Variants in BCOR observed in about 807,000 individuals in gnomAD.
BCOR encodes BCL-6 corepressor.
A neutral mutation model predicts 86.7 loss-of-function variants in BCOR; 10 were observed. The observed-to-expected ratio is 0.12, with a 90% CI of 0.07 to 0.20. The LOEUF is 0.20. Ranked by LOEUF, BCOR falls within the 10% of genes least tolerant of loss-of-function variation. The pLI is 1.00. For missense variants in BCOR, 1,259 were observed against 1,452.1 expected, an observed-to-expected ratio of 0.87 and a Z score of 2.16; for synonymous variants, 611 against 609.0, an observed-to-expected ratio of 1.00 and a Z score of -0.05.
At chrX:40,161,180 G>GT (rs1324945724) in intron 1 of BCOR, among the ~76,000 whole-genome samples, 1,058 of 103,549 alleles carry the variant, frequency 0.01, 10 homozygotes, top group African/African-American at 0.036. Context: ...GCTAATTTTT[G>GT]TTTTTTTGTT....
intron 1 of BCOR, among the ~76,000 whole-genome samples, chrX:40,103,044 C>G (rs1376314786): frequency 1.8e-5 from 2 of 110,908 alleles, no homozygotes; most frequent in African/African-American, 6.6e-5. Flanking sequence ...CTCTCCATAC[C>G]TGCGTTCCCA....
At chrX:40,157,388 G>A (rs1460724274) in intron 1 of BCOR, among the ~76,000 whole-genome samples, 1 of 111,906 alleles carries the variant, frequency 8.9e-6, no homozygotes, top group East Asian at 2.8e-4. Flanking sequence ...GCAAGAGAGA[G>A]GTAATTAAGA....
In BCOR at chrX:40,171,700, G is replaced by A. The variant is rs147562173; in HGVS notation, c.-41+5307C>T. On this transcript the variant is annotated intron_variant, in intron 1 of 14. Coordinates refer to the BCOR transcript ENST00000342274. Reference sequence around the variant, plus strand: ...AGTGCGGACATGGCGAGCGAGACCAGAGCGCAGTTGTGTGTGGTTTTTCCC... The same window carrying A: ...AGTGCGGACATGGCGAGCGAGACCAAAGCGCAGTTGTGTGTGGTTTTTCCC... Among the ~76,000 whole-genome samples, 118 of 113,067 alleles carry A rather than the reference G, an allele frequency of 1.0e-3. 2 individuals are homozygous for A. In the East Asian group the frequency reaches 0.03, roughly 29 times the overall value.
At chrX:40,123,926 C>T (rs1405751737) in intron 1 of BCOR, among the ~76,000 whole-genome samples, 1 of 111,201 alleles carries the variant, frequency 9.0e-6, no homozygotes, top group Non-Finnish European at 1.9e-5. Context: ...GCTGAATGTT[C>T]AAACCCCATG....
chrX:40,121,342 T>TTCC (rs769172832), intron 1 of BCOR, among the ~76,000 whole-genome samples: 1 of 111,874 alleles, frequency 8.9e-6, no homozygotes, highest in Admixed American at 9.5e-5. Flanking sequence ...CAAACAGCAC[T>TTCC]TCCTCCAAGA....
At chrX:40,077,765 CG>C in intron 2 of BCOR, 78 bp downstream of exon 2, 2 of 959,072 alleles carry the variant, frequency 2.1e-6, no homozygotes, top group South Asian at 3.9e-5. Context: ...TTTGGGCCCA[CG>C]GTGGCTGTGA....
intron 1 of BCOR, among the ~76,000 whole-genome samples, chrX:40,154,276 G>T (rs1247996705): frequency 1.4e-5 from 1 of 71,652 alleles, no homozygotes; most frequent in Non-Finnish European, 2.5e-5. Flanking sequence ...CCCAGGAACC[G>T]GGAAGAGAAA....
intron 1 of BCOR, among the ~76,000 whole-genome samples, chrX:40,079,989 C>T (rs1039385336): frequency 9.3e-6 from 1 of 107,824 alleles, no homozygotes; most frequent in Non-Finnish European, 1.9e-5. Flanking sequence ...CTGCACCATG[C>T]CACCCCCTCA....
rs1395550939 is a variant in BCOR, at chrX:40,054,304, C to T, written c.4771G>A (p.Asp1591Asn). ...DYLNDLQGRN[D>N]DDASGTWDFY... ...TCCCAAGTGCCACTGGCGTCATCATCATTGCGACCCTGGAGGTCATTTAAA... is the reference window on the plus strand; with the variant it reads ...TCCCAAGTGCCACTGGCGTCATCATTATTGCGACCCTGGAGGTCATTTAAA... The change falls in exon 13 of 15, where the codon GAT (aspartate) becomes AAT (asparagine). Residue 1591 changes from aspartate to asparagine, a missense_variant. This residue lies in a region of BCOR where 137 missense variants were observed against 149.8 expected (regional missense o/e 0.91). Transcript: ENST00000378444. 2.5e-6 allele frequency: 3 copies of T among 1,205,076 alleles called. No homozygotes were observed. The highest frequency in any genetic ancestry group is 3.4e-6 in the Non-Finnish European group (3 of 891,645).
At chrX:40,115,445 A>G (rs1451065826) in intron 1 of BCOR, among the ~76,000 whole-genome samples, 1 of 110,792 alleles carries the variant, frequency 9.0e-6, no homozygotes, top group Non-Finnish European at 1.9e-5. Context: ...GATCATCTGA[A>G]TGAAGAGTTG....
intron 6 of BCOR, chrX:40,067,928 AC>A (rs1935284234): frequency 1.8e-5 from 2 of 111,901 alleles, no homozygotes; most frequent in African/African-American, 6.5e-5. Flanking sequence ...GGGTGCATAG[AC>A]AGAGATGAAG....
At chrX:40,059,906 A>T (rs1934785984) in intron 10 of BCOR, among the ~76,000 whole-genome samples, 1 of 112,919 alleles carries the variant, frequency 8.9e-6, no homozygotes, top group Non-Finnish European at 1.9e-5. Context: ...GCCTAAGAAC[A>T]GACAGGTTCA....
chrX:40,113,172 A>G (rs1937338244), intron 1 of BCOR, among the ~76,000 whole-genome samples: 1 of 100,920 alleles, frequency 9.9e-6, no homozygotes, highest in Non-Finnish European at 1.9e-5. Context: ...TGGCAGCTAG[A>G]AAGATCTTAT....
chrX:40,094,748 G>A (rs1936777125), intron 1 of BCOR, among the ~76,000 whole-genome samples: 2 of 112,597 alleles, frequency 1.8e-5, no homozygotes, highest in Admixed American at 9.2e-5. Flanking sequence ...GCCGCCCCGC[G>A]AAGTTACACT....
intron 1 of BCOR, among the ~76,000 whole-genome samples, chrX:40,114,851 T>TA (rs1937368214): frequency 1.1e-5 from 1 of 93,876 alleles, no homozygotes; most frequent in African/African-American, 4.0e-5. Context: ...ACCATTCACT[T>TA]TTTTTTTTTT....
In BCOR at chrX:40,154,428, C is replaced by G. The variant is rs1010635882; in HGVS notation, c.-41+22579G>C. ...GCTCCGCTCGCCGTCCCCCTCCTCC[C>G]CCTTTGTTCTCCTCCCCTTTCCCTC... On this transcript the variant is annotated intron_variant, in intron 1 of 14. Transcript: ENST00000342274. 8.3e-4 allele frequency among the ~76,000 whole-genome samples: 93 copies of G among 112,548 alleles called. 1 individual carries two copies. The Admixed American group carries it at 8.3e-3, about 10-fold the overall frequency.
chrX:40,088,367 T>C (rs1936452574), intron 1 of BCOR, among the ~76,000 whole-genome samples: 1 of 112,584 alleles, frequency 8.9e-6, no homozygotes, highest in African/African-American at 3.2e-5. Context: ...CAAAACAATG[T>C]CAGCAAAGGC....
At chrX:40,155,840 C>A (rs995215492) in intron 1 of BCOR, among the ~76,000 whole-genome samples, 1 of 112,246 alleles carries the variant, frequency 8.9e-6, no homozygotes, top group African/African-American at 3.2e-5. Context: ...GGCTGACTCG[C>A]GGCTGGGGTG....
intron 11 of BCOR, among the ~76,000 whole-genome samples, chrX:40,056,116 AGCT>A (rs1569141732): frequency 9.1e-6 from 1 of 110,018 alleles, no homozygotes; most frequent in Non-Finnish European, 1.9e-5. Context: ...GCCACTGCCC[AGCT>A]GCAAACCCTA....
Sources: gnomAD v4.1 joint callset for allele counts (sites outside exome capture counted in the v4.1 genomes callset) on GRCh38, gnomAD v4.1.1 for gene constraint, gnomAD v4.1.1 regional missense constraint, MANE v1.5 for transcripts, NCBI Gene and HGNC (gene_info 2026-07-23, HGNC 2026-07-21) for gene names.